Variants in TMA16 observed in about 807,000 individuals in gnomAD.
TMA16 encodes the protein translation machinery-associated protein 16.
A neutral mutation model predicts 27.1 loss-of-function variants in TMA16; 26 were observed. That is an observed-to-expected ratio of 0.96 (90% CI 0.70 to 1.33). The LOEUF is 1.33. Among genes scored for constraint, TMA16 ranks in the 40% most tolerant of loss-of-function variants. TMA16 has a pLI of 0.00. For missense variants in TMA16, 233 were observed against 241.4 expected, an observed-to-expected ratio of 0.97 and a Z score of 0.23; for synonymous variants, 71 against 81.9, an observed-to-expected ratio of 0.87 and a Z score of 0.72.
chr4:163,519,039 T>C (rs1737926855), intron 6 of TMA16, among the ~76,000 whole-genome samples: 1 of 152,170 alleles, frequency 6.6e-6, no homozygotes, highest in African/African-American at 2.4e-5. Context: ...TACTTCTGTG[T>C]GTGAAAAGGA....
chr4:163,519,351 TGAA>T lies in TMA16; in HGVS notation c.453_455del (p.Lys152del). ...TTGTCTAGGGAATGGGACTTTGATC[TGAA>T]GAAATTACCAAACATTAAAATGAGA... On this transcript the variant is annotated inframe_deletion, in exon 7 of 7. Transcript: ENST00000358572. 1 of 1,592,790 alleles carries T rather than the reference TGAA, an allele frequency of 6.3e-7. No homozygotes were observed.
chr4:163,519,456 A>G lies in TMA16; in HGVS notation c.554A>G (p.Glu185Gly). 6.8e-6 allele frequency: 11 copies of G among 1,605,890 alleles called. No individual in the cohort carries two copies. The highest frequency in any genetic ancestry group is 9.3e-6 in the Non-Finnish European group (11 of 1,177,152). Residue 185 changes from glutamate (E) to glycine (G), a missense_variant, in exon 7 of 7, where the codon GAA becomes GGA. Glu to Gly is a moderately conservative substitution (Grantham distance 98, BLOSUM62 -2). Coordinates refer to ENST00000358572, the MANE Select transcript of TMA16 (RefSeq NM_018352.3). Reference protein sequence around the residue: ...TIITVDQDLGELELNDESSDS... With the variant: ...TIITVDQDLGGLELNDESSDS... ...ATAACTGTAGACCAAGATTTGGGGG[A>G]ATTGGAACTAAACGATGAATCAAGT... is the stretch of plus-strand genomic sequence containing the variant.
chr4:163,517,577 C>T (rs749135297), intron 6 of TMA16, 101 bp downstream of exon 6: 20 of 1,158,804 alleles, frequency 1.7e-5, no homozygotes, highest in Non-Finnish European at 2.2e-5. Flanking sequence ...AAAAGAAAAT[C>T]GGGTTTCTTT....
chr4:163,512,397 T>C (rs1327310195), intron 2 of TMA16: 2 of 153,618 alleles, frequency 1.3e-5, no homozygotes, highest in Non-Finnish European at 1.4e-5. Context: ...TCATTGAAAG[T>C]AACCATTCTG....
At chr4:163,497,319 A>G (rs745724094) in intron 1 of TMA16, among the ~76,000 whole-genome samples, 6 of 152,238 alleles carry the variant, frequency 3.9e-5, no homozygotes, top group Non-Finnish European at 7.3e-5. Context: ...TAGTATACCA[A>G]TCTTTTTGAG....
At chr4:163,496,285 A>G (rs1434649568) in intron 1 of TMA16, among the ~76,000 whole-genome samples, 1 of 152,228 alleles carries the variant, frequency 6.6e-6, no homozygotes, top group Non-Finnish European at 1.5e-5. Flanking sequence ...TTTAATTGGG[A>G]TAACAATAGT....
chr4:163,506,753 G>C (rs1041380467), intron 1 of TMA16, among the ~76,000 whole-genome samples: 3 of 152,224 alleles, frequency 2.0e-5, no homozygotes, highest in African/African-American at 7.2e-5. Context: ...TTTGAAGATA[G>C]AACATGTTGT....
In TMA16 at chr4:163,503,467, C is replaced by G. The variant is rs147275556; in HGVS notation, c.4-3566C>G. ...CTAGACTGCGGCTCAACTTGATGGT[C>G]TTTTAGGCAAAGTTCCTTTTTGTTA... On this transcript the variant is annotated intron_variant, in intron 1 of 6. Transcript: ENST00000358572. 2.6e-5 allele frequency among the ~76,000 whole-genome samples: 4 copies of G among 152,242 alleles called. No homozygotes were observed. In the East Asian group the frequency reaches 7.7e-4, roughly 29 times the overall value.
At chr4:163,505,976 T>C (rs1560913367) in intron 1 of TMA16, among the ~76,000 whole-genome samples, 1 of 152,224 alleles carries the variant, frequency 6.6e-6, no homozygotes, top group Non-Finnish European at 1.5e-5. Context: ...TAATGTATTC[T>C]TTCTGTTTTT....
In TMA16 at chr4:163,519,432, T is replaced by C; in HGVS notation, c.530T>C (p.Ile177Thr). Residue 177 changes from isoleucine to threonine, a missense_variant, in exon 7 of 7, where the codon ATA becomes ACA. Physicochemically the swap from Ile to Thr is moderately conservative, Grantham distance 89 (BLOSUM62 -1). Transcript: ENST00000358572. ...AAGACGTGCAAGAGGAAAACTATTATAACTGTAGACCAAGATTTGGGGGAA... is the reference window on the plus strand; with the variant it reads ...AAGACGTGCAAGAGGAAAACTATTACAACTGTAGACCAAGATTTGGGGGAA... ...IPKTCKRKTI[I>T]TVDQDLGELE... 1 of 1,607,444 alleles carries C rather than the reference T, an allele frequency of 6.2e-7. No individual in the cohort carries two copies.
intron 3 of TMA16, among the ~76,000 whole-genome samples, chr4:163,513,438 G>T (rs75158644): frequency 0.017 from 2,530 of 152,074 alleles, 63 homozygotes; most frequent in African/African-American, 0.057. Context: ...GATTTTTTTT[G>T]ATCTGTAATC....
Position 163,511,712 on chromosome 4 carries a change from C to T in TMA16, c.117-1110C>T, listed in dbSNP as rs545964777. On this transcript the variant is annotated intron_variant, in intron 2 of 6. Transcript: ENST00000358572. ...TGGTGGTATATAACAGTAGTCCTAACTACATGGGAGGCTGAGGCAGGATGG... is the reference window on the plus strand; with the variant it reads ...TGGTGGTATATAACAGTAGTCCTAATTACATGGGAGGCTGAGGCAGGATGG... Among the ~76,000 whole-genome samples, 45 of 150,766 alleles carry T rather than the reference C, an allele frequency of 3.0e-4. 1 individual carries two copies. The South Asian group carries it at 9.5e-3, about 32-fold the overall frequency.
chr4:163,517,298 T>C lies in TMA16; in HGVS notation c.389-136T>C, dbSNP rs1737895036. 6.4e-6 allele frequency: 5 copies of C among 778,522 alleles called. No homozygotes were observed. In the South Asian group the frequency reaches 8.3e-5, roughly 13 times the overall value. 48.2% of individuals were successfully genotyped at this position (778,522 alleles called of 1,614,324 possible). A position where few individuals can be genotyped will look rare whatever the true frequency, so the allele number is the denominator to read the frequency against. On this transcript the variant is annotated intron_variant, in intron 5 of 6. Coordinates refer to ENST00000358572, the MANE Select transcript of TMA16 (RefSeq NM_018352.3). ...TTAAACTAACCCCTTTTGCAAATTT[T>C]TCATGTTAATTACAGCAATACTTCG... is the stretch of plus-strand genomic sequence containing the variant.
intron 1 of TMA16, among the ~76,000 whole-genome samples, chr4:163,502,862 G>A (rs1417135233): frequency 6.6e-6 from 1 of 152,128 alleles, no homozygotes; most frequent in African/African-American, 2.4e-5. Context: ...TGTCACTGGT[G>A]TAAAATTGGT....
chr4:163,518,948 A>AT (rs1338311907), intron 6 of TMA16, among the ~76,000 whole-genome samples: 2 of 152,172 alleles, frequency 1.3e-5, no homozygotes, highest in Non-Finnish European at 2.9e-5. Context: ...GTCTAAAGTA[A>AT]TTAATACAAT....
intron 1 of TMA16, among the ~76,000 whole-genome samples, chr4:163,497,679 C>A (rs7658704): frequency 1.3e-5 from 2 of 152,294 alleles, no homozygotes; most frequent in South Asian, 4.1e-4. Flanking sequence ...CTCCTGCCTT[C>A]CTCTTACATG....
chr4:163,506,569 A>C (rs1328216564), intron 1 of TMA16, among the ~76,000 whole-genome samples: 1 of 152,168 alleles, frequency 6.6e-6, no homozygotes, highest in Non-Finnish European at 1.5e-5. Context: ...TAATTTGTAC[A>C]GGCAATGAGC....
intron 1 of TMA16, among the ~76,000 whole-genome samples, chr4:163,497,868 C>A (rs1737581473): frequency 6.6e-6 from 1 of 152,176 alleles, no homozygotes; most frequent in South Asian, 2.1e-4. Context: ...CACAAAAAGA[C>A]TTTTTCCAGC....
rs1737532747 is a variant in TMA16 at position 163,495,241 on chromosome 4, G to A, written c.3+437G>A. 9.2e-5 allele frequency among the ~76,000 whole-genome samples: 14 copies of A among 152,256 alleles called. No individual in the cohort carries two copies. The South Asian group carries it at 2.9e-3, about 32-fold the overall frequency. ...CGGCGTCCGTTCACCTCTCGTTAGT[G>A]CCCTGAATCCTGCCGTTACGCCCCC... On this transcript the variant is annotated intron_variant, in intron 1 of 6. Coordinates refer to ENST00000358572, the MANE Select transcript of TMA16 (RefSeq NM_018352.3).
Sources: gnomAD v4.1 joint callset for allele counts (sites outside exome capture counted in the v4.1 genomes callset) on GRCh38, gnomAD v4.1.1 for gene constraint, MANE v1.5 for transcripts, NCBI Gene and HGNC (gene_info 2026-07-23, HGNC 2026-07-21) for gene names.